NHSL1: variants seen among roughly 807,000 people sequenced by gnomAD.
NHSL1 encodes the protein NHS-like protein 1.
A neutral mutation model predicts 95.0 loss-of-function variants in NHSL1; 48 were observed. The ratio of observed to expected loss-of-function variants is 0.51; its 90% CI spans 0.40 to 0.64. The LOEUF is 0.64. NHSL1 is among the 30% of genes least tolerant of loss of function. The pLI, the probability that NHSL1 is intolerant of heterozygous loss-of-function variation, is 0.00. For missense variants in NHSL1, 1,971 were observed against 2,077.7 expected, an observed-to-expected ratio of 0.95 and a Z score of 1.00; for synonymous variants, 783 against 833.9, an observed-to-expected ratio of 0.94 and a Z score of 1.05.
intron 1 of NHSL1, among the ~76,000 whole-genome samples, chr6:138,551,650 C>A (rs1783007741): frequency 6.6e-6 from 1 of 152,202 alleles, no homozygotes; most frequent in South Asian, 2.1e-4. Context: ...TTTATTACTA[C>A]CTCAGGCACA....
intron 1 of NHSL1, among the ~76,000 whole-genome samples, chr6:138,604,782 A>G (rs1562388984): frequency 1.3e-5 from 2 of 151,956 alleles, no homozygotes; most frequent in Non-Finnish European, 2.9e-5. Context: ...TGTGCCACCA[A>G]GCCTGGCTAA....
intron 2 of NHSL1, among the ~76,000 whole-genome samples, chr6:138,485,390 C>T (rs1365674780): frequency 6.7e-6 from 1 of 149,792 alleles, no homozygotes; most frequent in Non-Finnish European, 1.5e-5. Flanking sequence ...TTGTTAAGAC[C>T]TGGATCATTT....
At chr6:138,691,880 T>A in intron 1 of NHSL1, 1 of 456,626 alleles carries the variant, frequency 2.2e-6, no homozygotes, top group South Asian at 1.5e-5. Context: ...AAAGAGCTGG[T>A]GGGTCAGTCT....
At chr6:138,475,429 T>C (rs989583404) in intron 2 of NHSL1, among the ~76,000 whole-genome samples, 1 of 152,056 alleles carries the variant, frequency 6.6e-6, no homozygotes, top group African/African-American at 2.4e-5. Flanking sequence ...GGACTCACTA[T>C]GTTACCTAGG....
Position 138,430,848 on chromosome 6 carries a change from G to A in NHSL1, c.3497C>T (p.Ala1166Val), listed in dbSNP as rs915852604. 2.6e-6 allele frequency: 4 copies of A among 1,550,850 alleles called. No individual in the cohort carries two copies. In the African/African-American group the frequency reaches 4.1e-5, roughly 16 times the overall value. The change falls in exon 6 of 8, where the codon GCT becomes GTT. Residue 1166 changes from alanine to valine, a missense_variant. Around this residue, in one of 3 missense-constraint regions of NHSL1, gnomAD observed 1,602 missense variants for 1,654.5 expected, o/e 0.97. Coordinates refer to ENST00000343505, the MANE Select transcript of NHSL1 (RefSeq NM_001144060.2). The surrounding 1 kb of genome is among the most constrained non-coding windows in gnomAD (Gnocchi z 4.7). Reference protein sequence around the residue: ...RGGPVSRSPGAPSAGEAEARP... With the variant: ...RGGPVSRSPGVPSAGEAEARP... ...AGCCTCTGCCTCCCCAGCGCTTGGA[G>A]CTCCAGGGCTGCGGCTCACAGGGCC... is the stretch of plus-strand genomic sequence containing the variant.
At chr6:138,482,445 CAAAAAAAAAAAA>C (rs34849976) in intron 2 of NHSL1, among the ~76,000 whole-genome samples, 1 of 81,238 alleles carries the variant, frequency 1.2e-5, no homozygotes, top group Non-Finnish European at 2.4e-5. Context: ...GACTCCGTCT[CAAAAAAAAAAAA>C]AAAAAAAAAG....
At chr6:138,549,636 A>G (rs1782927609), upstream of NHSL1, among the ~76,000 whole-genome samples, 1 of 152,218 alleles carries the variant, frequency 6.6e-6, no homozygotes, top group African/African-American at 2.4e-5. Context: ...GCTTGGGGTA[A>G]TTTGTTACAG....
chr6:138,577,508 G>A (rs1424298401), upstream of NHSL1, among the ~76,000 whole-genome samples: 1 of 152,196 alleles, frequency 6.6e-6, no homozygotes, highest in East Asian at 1.9e-4. Context: ...GGAGTGAGGT[G>A]CATAAACAGA....
At chr6:138,543,236 T>G (rs1782652019) in intron 1 of NHSL1, among the ~76,000 whole-genome samples, 1 of 152,218 alleles carries the variant, frequency 6.6e-6, no homozygotes. Context: ...CACAGAGACC[T>G]TAGCTGAACT....
intron 1 of NHSL1, among the ~76,000 whole-genome samples, chr6:138,646,406 A>T (rs935122544): frequency 2.0e-5 from 3 of 152,086 alleles, no homozygotes; most frequent in African/African-American, 7.2e-5. Flanking sequence ...AGGTGGGAGG[A>T]TCATATGAGC....
At chr6:138,643,300 C>A (rs538215067) in intron 1 of NHSL1, among the ~76,000 whole-genome samples, 1 of 152,304 alleles carries the variant, frequency 6.6e-6, no homozygotes, top group East Asian at 1.9e-4. Context: ...AACCTCCCTA[C>A]TTCCACACCT....
At chr6:138,574,119 G>A (rs1484577968), upstream of NHSL1, among the ~76,000 whole-genome samples, 3 of 152,086 alleles carry the variant, frequency 2.0e-5, no homozygotes, top group Admixed American at 6.5e-5. Flanking sequence ...TTTTAGTAGA[G>A]ACAGGGTTTC....
chr6:138,596,367 T>C (rs995751619), intron 1 of NHSL1, among the ~76,000 whole-genome samples: 1 of 152,160 alleles, frequency 6.6e-6, no homozygotes, highest in Non-Finnish European at 1.5e-5. Context: ...TAAACTACAA[T>C]GGGAGGCCTC....
chr6:138,599,097 C>A (rs1784338632), intron 1 of NHSL1, among the ~76,000 whole-genome samples: 1 of 152,184 alleles, frequency 6.6e-6, no homozygotes, highest in Admixed American at 6.5e-5. Context: ...CCTCTTGACC[C>A]AGGCACAGAG....
At chr6:138,643,002 T>C (rs1784976352) in intron 1 of NHSL1, among the ~76,000 whole-genome samples, 2 of 152,244 alleles carry the variant, frequency 1.3e-5, no homozygotes, top group South Asian at 4.1e-4. Context: ...GCTGGTGTTT[T>C]AAGCTTACCT....
At chr6:138,537,800 C>G (rs938773475) in intron 1 of NHSL1, among the ~76,000 whole-genome samples, 3 of 152,106 alleles carry the variant, frequency 2.0e-5, no homozygotes, top group African/African-American at 4.8e-5. Flanking sequence ...TTCCCAAAGT[C>G]AATCTTGGAG....
At chr6:138,474,171 A>T (rs1562307255) in intron 2 of NHSL1, among the ~76,000 whole-genome samples, 1 of 152,182 alleles carries the variant, frequency 6.6e-6, no homozygotes, top group African/African-American at 2.4e-5. Context: ...CCGGTGCTGT[A>T]AGAAAACTTC....
chr6:138,466,484 T>C (rs1294536817), intron 3 of NHSL1, among the ~76,000 whole-genome samples: 2 of 152,252 alleles, frequency 1.3e-5, no homozygotes, highest in Admixed American at 1.3e-4. Context: ...ATCACCTCTA[T>C]GCTGAGTAAG....
At chr6:138,587,281 G>A (rs1009395696) in intron 1 of NHSL1, among the ~76,000 whole-genome samples, 2 of 151,332 alleles carry the variant, frequency 1.3e-5, no homozygotes. Flanking sequence ...AGGCACTTGT[G>A]TTTTTAAACA....
Sources: gnomAD v4.1 joint callset for allele counts (sites outside exome capture counted in the v4.1 genomes callset) on GRCh38, gnomAD v4.1.1 for gene constraint, gnomAD v4.1.1 regional missense constraint, Gnocchi (gnomAD v3.1) non-coding constraint, MANE v1.5 for transcripts, NCBI Gene and HGNC (gene_info 2026-07-23, HGNC 2026-07-21) for gene names.